Variants in FCHSD2 observed in about 807,000 individuals in gnomAD.
FCHSD2 encodes the protein F-BAR and double SH3 domains protein 2.
In FCHSD2, 38 loss-of-function variants were observed where a neutral mutation model predicts 108.1. The observed-to-expected ratio is 0.35, with a 90% CI of 0.27 to 0.46. FCHSD2 has a LOEUF of 0.46. FCHSD2 is among the 20% of genes least tolerant of loss of function. The pLI, the probability that FCHSD2 is intolerant of heterozygous loss-of-function variation, is 1.00. For synonymous variants in FCHSD2, 279 were observed against 314.7 expected, an observed-to-expected ratio of 0.89 and a Z score of 1.20; for missense variants, 751 against 897.8, an observed-to-expected ratio of 0.84 and a Z score of 2.09.
chr11:72,900,532 CA>C (rs550943246), intron 10 of FCHSD2, among the ~76,000 whole-genome samples: 43 of 152,200 alleles, frequency 2.8e-4, no homozygotes, highest in African/African-American at 9.4e-4. Context: ...AAAATAACAT[CA>C]AATTAGTCAT....
chr11:72,907,010 G>T (rs924244581), intron 9 of FCHSD2, among the ~76,000 whole-genome samples: 1 of 152,122 alleles, frequency 6.6e-6, no homozygotes, highest in Non-Finnish European at 1.5e-5. Context: ...AAATTACCTT[G>T]GGCAGTATGG....
At chr11:73,055,313 A>G (rs1858999440) in intron 3 of FCHSD2, among the ~76,000 whole-genome samples, 1 of 150,790 alleles carries the variant, frequency 6.6e-6, no homozygotes, top group Non-Finnish European at 1.5e-5. Context: ...ACTGGACTCC[A>G]GCCTGGGCAA....
chr11:73,035,151 T>TATGC (rs1259040235), intron 3 of FCHSD2, among the ~76,000 whole-genome samples: 2 of 69,250 alleles, frequency 2.9e-5, no homozygotes, highest in South Asian at 9.9e-4. Context: ...TTTTTATTTT[T>TATGC]ATGTATGTAT....
At chr11:73,061,407 G>T (rs1273481268) in intron 3 of FCHSD2, among the ~76,000 whole-genome samples, 2 of 152,186 alleles carry the variant, frequency 1.3e-5, no homozygotes, top group Admixed American at 6.5e-5. Flanking sequence ...CTAGCTGCAG[G>T]AATTCTTTTT....
At chr11:73,025,403 A>G (rs1424960280) in intron 3 of FCHSD2, among the ~76,000 whole-genome samples, 1 of 152,140 alleles carries the variant, frequency 6.6e-6, no homozygotes, top group Non-Finnish European at 1.5e-5. Flanking sequence ...AAAACCAAAT[A>G]CCACATATTC....
intron 8 of FCHSD2, among the ~76,000 whole-genome samples, chr11:72,957,934 TA>T (rs1420167055): frequency 6.6e-6 from 1 of 152,218 alleles, no homozygotes; most frequent in Non-Finnish European, 1.5e-5. Flanking sequence ...TGGAATTATA[TA>T]AACATAAATT....
chr11:72,943,183 G>C (rs1179414447), intron 8 of FCHSD2, among the ~76,000 whole-genome samples: 4 of 151,956 alleles, frequency 2.6e-5, no homozygotes, highest in Non-Finnish European at 5.9e-5. Context: ...ATTAGAAATG[G>C]GGTTTCCCCA....
intron 5 of FCHSD2, among the ~76,000 whole-genome samples, chr11:72,992,853 G>A (rs1857444156): frequency 6.6e-6 from 1 of 152,172 alleles, no homozygotes; most frequent in Admixed American, 6.5e-5. Flanking sequence ...CATAGGCAAG[G>A]ACTTCATGTC....
intron 5 of FCHSD2, among the ~76,000 whole-genome samples, chr11:72,993,307 G>A (rs911270973): frequency 6.6e-6 from 1 of 152,182 alleles, no homozygotes; most frequent in African/African-American, 2.4e-5. Flanking sequence ...TTACACTGTT[G>A]GTGGGAATGT....
At chr11:72,923,046 T>C (rs958248872) in intron 8 of FCHSD2, among the ~76,000 whole-genome samples, 2 of 152,202 alleles carry the variant, frequency 1.3e-5, no homozygotes, top group Non-Finnish European at 2.9e-5. Context: ...TCATATAATA[T>C]ATGACTTTTG....
chr11:72,852,238 T>C lies in FCHSD2; in HGVS notation c.1309-2349A>G, dbSNP rs571790162. 1.8e-4 allele frequency among the ~76,000 whole-genome samples: 27 copies of C among 152,056 alleles called. 1 individual carries two copies. The South Asian group carries it at 5.6e-3, about 32-fold the overall frequency. Reference sequence around the variant, plus strand: ...CAAAAAATAACAGATGCTGGTGACGTTATGGAAAAAAGGGACGCTTATACA... The same window carrying C: ...CAAAAAATAACAGATGCTGGTGACGCTATGGAAAAAAGGGACGCTTATACA... On this transcript the variant is annotated intron_variant, in intron 13 of 19. Coordinates refer to ENST00000409418, the MANE Select transcript of FCHSD2 (RefSeq NM_014824.3).
chr11:72,907,257 T>C (rs1855648983), intron 9 of FCHSD2, among the ~76,000 whole-genome samples: 1 of 152,210 alleles, frequency 6.6e-6, no homozygotes, highest in Non-Finnish European at 1.5e-5. Flanking sequence ...GTTTTCTAAA[T>C]ATACAATCAT....
chr11:72,961,257 A>G (rs1330743975), intron 8 of FCHSD2, among the ~76,000 whole-genome samples: 1 of 152,106 alleles, frequency 6.6e-6, no homozygotes, highest in African/African-American at 2.4e-5. Flanking sequence ...TTTGAGACAG[A>G]GTCTCACTCT....
At chr11:73,033,655 C>T (rs1858418983) in intron 3 of FCHSD2, among the ~76,000 whole-genome samples, 2 of 151,912 alleles carry the variant, frequency 1.3e-5, no homozygotes, top group African/African-American at 4.8e-5. Flanking sequence ...TAATTAAATA[C>T]TCAAACTATG....
intron 8 of FCHSD2, among the ~76,000 whole-genome samples, chr11:72,970,739 A>G (rs1473938589): frequency 6.6e-6 from 1 of 152,214 alleles, no homozygotes; most frequent in Non-Finnish European, 1.5e-5. Context: ...TCTATGAAGA[A>G]AAGACTTCCA....
chr11:73,083,895 C>G (rs1429506382), intron 2 of FCHSD2, among the ~76,000 whole-genome samples, 155 bp from the exon 3 acceptor site: 1 of 152,152 alleles, frequency 6.6e-6, no homozygotes, highest in South Asian at 2.1e-4. Context: ...TGCTAACAGC[C>G]TGGTCTCTAC....
chr11:73,069,310 C>CA (rs369961395), intron 3 of FCHSD2, among the ~76,000 whole-genome samples: 3,303 of 45,690 alleles, frequency 0.072, 316 homozygotes, highest in African/African-American at 0.16. Flanking sequence ...AACTCTGTCT[C>CA]AAAAAAAAAA....
At chr11:73,058,333 T>A (rs1459476099) in intron 3 of FCHSD2, among the ~76,000 whole-genome samples, 1 of 152,214 alleles carries the variant, frequency 6.6e-6, no homozygotes, top group Non-Finnish European at 1.5e-5. Flanking sequence ...TATATACCAA[T>A]ATTCTAACAA....
intron 5 of FCHSD2, among the ~76,000 whole-genome samples, chr11:72,998,621 G>A (rs1296986839): frequency 2.0e-5 from 3 of 152,018 alleles, no homozygotes; most frequent in Non-Finnish European, 4.4e-5. Context: ...GTTAGGGAGG[G>A]ATATTATAAT....
Sources: allele counts gnomAD v4.1 joint callset (sites outside exome capture counted in the v4.1 genomes callset), GRCh38; gene constraint gnomAD v4.1.1; transcripts MANE v1.5; gene names NCBI Gene and HGNC (gene_info 2026-07-23, HGNC 2026-07-21).